Variants in AXL observed in about 807,000 individuals in gnomAD.
AXL encodes tyrosine-protein kinase receptor UFO.
In AXL, 52 loss-of-function variants were observed where a neutral mutation model predicts 104.5. That is an observed-to-expected ratio of 0.50 (90% CI 0.40 to 0.63). The LOEUF (loss-of-function observed/expected upper bound fraction) is 0.63. Ranked by LOEUF, AXL falls within the 20% of genes least tolerant of loss-of-function variation. AXL has a pLI of 0.00. For synonymous variants in AXL, 455 were observed against 473.7 expected (o/e 0.96, Z 0.51); for missense variants, 1,024 against 1,188.5 (o/e 0.86, Z 2.04).
At chr19:41,248,630 C>T (rs2034309785) in intron 13 of AXL, 21 bp downstream of exon 13, 1 of 1,613,292 alleles carries the variant, frequency 6.2e-7, no homozygotes, top group Non-Finnish European at 8.5e-7. Flanking sequence ...CGGCAGCATA[C>T]ACACATCCTT....
chr19:41,236,053 G>A (rs368076564), intron 6 of AXL, among the ~76,000 whole-genome samples: 4 of 151,130 alleles, frequency 2.6e-5, no homozygotes, highest in African/African-American at 9.7e-5. Context: ...AAAAAAAGCC[G>A]GGTGTGGTAG....
In AXL at chr19:41,231,188, C is replaced by T. The variant is rs1416980751; in HGVS notation, c.673C>T (p.Pro225Ser). The change falls in exon 6 of 20, where the codon CCC (proline) becomes TCC (serine). Residue 225 changes from proline to serine, a missense_variant. Coordinates refer to ENST00000301178, the MANE Select transcript of AXL (RefSeq NM_021913.5). ...TSRTATITVL[P>S]QQPRNLHLVS... ...TCTCTCCCGTTTGTCCACAGTGCTC[C>T]CCCAGCAGCCCCGTAACCTCCACCT... The T allele has an allele frequency of 6.2e-7, 1 of 1,611,918 alleles. No homozygotes were observed. The highest frequency in any genetic ancestry group is 8.5e-7 in the Non-Finnish European group (1 of 1,178,834).
intron 7 of AXL, 55 bp from the exon 8 acceptor site, chr19:41,238,415 G>A (rs1204801921): frequency 3.1e-6 from 5 of 1,587,690 alleles, no homozygotes; most frequent in Admixed American, 3.4e-5. Flanking sequence ...TGGGAACAGG[G>A]GAGGGGGTCA....
intron 6 of AXL, among the ~76,000 whole-genome samples, chr19:41,235,914 T>C (rs2034070904): frequency 6.6e-6 from 1 of 152,092 alleles, no homozygotes; most frequent in Non-Finnish European, 1.5e-5. Flanking sequence ...ATATATAACA[T>C]AGTCAGGTGA....
chr19:41,231,237 T>G lies in AXL; in HGVS notation c.722T>G (p.Leu241Arg), dbSNP rs1182013254. The G allele has an allele frequency of 6.2e-7, 1 of 1,613,870 alleles. No homozygotes were observed. Reference protein sequence around the residue: ...LHLVSRQPTELEVAWTPGLSG... With the variant: ...LHLVSRQPTEREVAWTPGLSG... The stretch of plus-strand genomic sequence containing the variant: ...CTGGTCTCCCGCCAACCCACGGAGC[T>G]GGAGGTGGCTTGGACTCCAGGCCTG... The change falls in exon 6 of 20, where the codon CTG becomes CGG. Residue 241 changes from leucine (L) to arginine (R), a missense_variant. By Grantham distance (102) the Leu-to-Arg change is moderately radical. This residue lies in a region of AXL where 332 missense variants were observed against 343.9 expected (regional missense o/e 0.97). Coordinates refer to ENST00000301178, the MANE Select transcript of AXL (RefSeq NM_021913.5).
intron 19 of AXL, among the ~76,000 whole-genome samples, 158 bp downstream of exon 19, chr19:41,257,787 A>C (rs1297015330): frequency 6.6e-6 from 1 of 152,168 alleles, no homozygotes; most frequent in African/African-American, 2.4e-5. Context: ...GAGTAGGGCC[A>C]TCACTAACCA....
In AXL at chr19:41,220,808, G is replaced by T; in HGVS notation, c.258G>T (p.Val86=). Reference sequence around the variant, plus strand: ...TCGCGGACAGCACCCAGACCCAGGTGCCCCTGGGTGAGGATGAACAGGATG... The same window carrying T: ...TCGCGGACAGCACCCAGACCCAGGTTCCCCTGGGTGAGGATGAACAGGATG... ...LELADSTQTQ[V]PLGEDEQDDW... The change falls in exon 2 of 20, where the codon GTG becomes GTT. Residue 86 remains valine, a synonymous_variant. Transcript: ENST00000301178. 1 of 1,614,100 alleles carries T rather than the reference G, an allele frequency of 6.2e-7. No individual in the cohort carries two copies. The highest frequency in any genetic ancestry group is 8.5e-7 in the Non-Finnish European group (1 of 1,180,002).
At chr19:41,228,100 G>A (rs556658991) in intron 4 of AXL, among the ~76,000 whole-genome samples, 6 of 152,300 alleles carry the variant, frequency 3.9e-5, no homozygotes, top group South Asian at 2.1e-4. Context: ...ACTGATGTAC[G>A]TTGTATAGCG....
chr19:41,242,487 A>C (rs2034200889), intron 10 of AXL, among the ~76,000 whole-genome samples: 1 of 151,568 alleles, frequency 6.6e-6, no homozygotes, highest in Non-Finnish European at 1.5e-5. Context: ...CACCCCAGCT[A>C]ATTTTTGTAT....
Position 41,253,054 on chromosome 19 carries a change from G to A in AXL, c.1926+87G>A, listed in dbSNP as rs533486800. The A allele has an allele frequency of 2.0e-4, 287 of 1,450,880 alleles. 1 individual carries two copies. In the African/African-American group the frequency reaches 2.7e-3, roughly 13 times the overall value. The allele number at this position is 1,450,880 out of a possible 1,614,324, so 89.9% of individuals were successfully genotyped here. Reference sequence around the variant, plus strand: ...GCTGCTCAGACCCTGGGAAGACCACGGTGACCAGGAGCTTGCTCTCCTGGA... The same window carrying A: ...GCTGCTCAGACCCTGGGAAGACCACAGTGACCAGGAGCTTGCTCTCCTGGA... On this transcript the variant is annotated intron_variant, in intron 16 of 19. Coordinates refer to ENST00000301178, the MANE Select transcript of AXL (RefSeq NM_021913.5).
intron 4 of AXL, 135 bp from the exon 5 acceptor site, chr19:41,230,832 C>T (rs960318093): frequency 2.1e-5 from 18 of 864,526 alleles, no homozygotes; most frequent in Admixed American, 7.5e-5. Context: ...TCTGCTAACC[C>T]TCCCTTCAGG....
chr19:41,251,548 G>A (rs183747684), intron 14 of AXL, among the ~76,000 whole-genome samples: 110 of 150,576 alleles, frequency 7.3e-4, no homozygotes, highest in African/African-American at 2.6e-3. Flanking sequence ...GGGGACAAGG[G>A]CGAAACTCCA....
intron 17 of AXL, 94 bp from the exon 18 acceptor site, chr19:41,256,358 G>C (rs112298726): frequency 0.032 from 46,260 of 1,444,794 alleles, 953 homozygotes; most frequent in Non-Finnish European, 0.038. Context: ...AGGACAGTGA[G>C]GGGAGGAGGT....
rs2271546 is a variant in AXL, at chr19:41,221,292, C to T, written c.409+46C>T. On this transcript the variant is annotated intron_variant, in intron 3 of 19. Transcript: ENST00000301178. ...TCCTGAGGGGTCAGAGGACATGTGG[C>T]GCTCATAGGTTGTGGGAAGTCAGGA... 0.13 allele frequency: 206,794 copies of T among 1,553,684 alleles called. 14,789 individuals carry two copies. The highest frequency in any genetic ancestry group is 0.24 in the African/African-American group (17,671 of 73,422).
In AXL at chr19:41,252,935, C is replaced by T. The variant is rs781744426; in HGVS notation, c.1894C>T (p.Leu632Phe). ...GAAACATGGAGACCTACACAGCTTC[C>T]TCCTCTATTCCCGGCTCGGGGACCA... ...FMKHGDLHSF[L>F]LYSRLGDQPV... is the part of the protein sequence containing the mutation. Residue 632 changes from leucine (L) to phenylalanine (F), a missense_variant, in exon 16 of 20, where the codon CTC becomes TTC. This residue lies in a region of AXL where 523 missense variants were observed against 636.0 expected (regional missense o/e 0.82). Coordinates refer to ENST00000301178, the MANE Select transcript of AXL (RefSeq NM_021913.5). 1 of 1,614,182 alleles carries T rather than the reference C, an allele frequency of 6.2e-7. No homozygotes were observed. The highest frequency in any genetic ancestry group is 1.3e-5 in the African/African-American group (1 of 75,054).
rs1172368442 is a variant in AXL, at chr19:41,238,541, C to A, written c.1066C>A (p.Pro356Thr). 1 of 1,613,958 alleles carries A rather than the reference C, an allele frequency of 6.2e-7. No homozygotes were observed. The change falls in exon 8 of 20, where the codon CCC becomes ACC. Residue 356 changes from proline to threonine, a missense_variant. Coordinates refer to ENST00000301178, the MANE Select transcript of AXL (RefSeq NM_021913.5). ...GSQAFVHWQE[P>T]RAPLQGTLLG... The stretch of plus-strand genomic sequence containing the variant: ...CCAGGCCTTCGTGCATTGGCAAGAG[C>A]CCCGGGCGCCCCTGCAGGGTACCCT...
Position 41,256,465 on chromosome 19 carries a change from A to T in AXL, c.2050A>T (p.Met684Leu), listed in dbSNP as rs139134087. The change falls in exon 18 of 20, where the codon ATG becomes TTG. Residue 684 changes from methionine (M) to leucine (L), a missense_variant. Around this residue, in one of 5 missense-constraint regions of AXL, gnomAD observed 523 missense variants for 636.0 expected, o/e 0.82. Coordinates refer to ENST00000301178, the MANE Select transcript of AXL (RefSeq NM_021913.5). ...CAATCCAAACAGGCTGAATGAGAACATGTCCGTGTGTGTGGCGGACTTCGG... is the reference window on the plus strand; with the variant it reads ...CAATCCAAACAGGCTGAATGAGAACTTGTCCGTGTGTGTGGCGGACTTCGG... ...AARNCMLNEN[M>L]SVCVADFGLS... The T allele has an allele frequency of 6.2e-7, 1 of 1,613,796 alleles. No homozygotes were observed. The highest frequency in any genetic ancestry group is 8.5e-7 in the Non-Finnish European group (1 of 1,179,696).
Position 41,219,373 on chromosome 19 carries a change from C to G in AXL, c.-20C>G. ...TCCCCCGCTGGGAGCCCAACAACTT[C>G]TGAGGAAAGTTTGGCACCCATGGCG... On this transcript the variant is annotated 5_prime_UTR_variant, in exon 1 of 20. Coordinates refer to ENST00000301178, the MANE Select transcript of AXL (RefSeq NM_021913.5). 6.3e-7 allele frequency: 1 copy of G among 1,576,276 alleles called. No individual in the cohort carries two copies. Among genetic ancestry groups the G allele is most frequent in the Non-Finnish European group, 8.6e-7 (1 of 1,161,262 alleles).
chr19:41,220,373 A>C, intron 1 of AXL: 1 of 437,398 alleles, frequency 2.3e-6, no homozygotes, highest in Non-Finnish European at 4.2e-6. Flanking sequence ...TGGCCCTGCC[A>C]GGCAGTGCAG....
Sources: allele counts gnomAD v4.1 joint callset (sites outside exome capture counted in the v4.1 genomes callset), GRCh38; gene constraint gnomAD v4.1.1; regional missense constraint gnomAD v4.1.1; transcripts MANE v1.5; gene names NCBI Gene and HGNC (gene_info 2026-07-23, HGNC 2026-07-21).